The following FTO variants were observed in gnomAD, a reference collection of about 807,000 sequenced individuals.
The protein encoded by FTO is alpha-ketoglutarate-dependent dioxygenase FTO.
In FTO, 47 loss-of-function variants were observed where a neutral mutation model predicts 63.9. The ratio of observed to expected loss-of-function variants is 0.74; its 90% CI spans 0.58 to 0.94. The LOEUF (loss-of-function observed/expected upper bound fraction) is 0.94, where lower values mean the gene tolerates loss of function less well. FTO is among the 40% of genes least tolerant of loss of function. The pLI, the probability that FTO is intolerant of heterozygous loss-of-function variation, is 0.00. For synonymous variants in FTO, 207 were observed against 224.4 expected (o/e 0.92, Z 0.69); for missense variants, 562 against 618.1 (o/e 0.91, Z 0.96).
chr16:53,761,372 G>A (rs2077065620), intron 1 of FTO, among the ~76,000 whole-genome samples: 3 of 152,062 alleles, frequency 2.0e-5, no homozygotes, highest in Non-Finnish European at 4.4e-5. Flanking sequence ...AAAGTGCTGG[G>A]ATTGCAGGTG....
chr16:54,089,962 AAC>A (rs1305406725), intron 8 of FTO, among the ~76,000 whole-genome samples: 25 of 152,290 alleles, frequency 1.6e-4, no homozygotes, highest in African/African-American at 6.0e-4. Flanking sequence ...ACCTTTCAAA[AAC>A]AGTTTGATGG....
chr16:53,999,702 T>G (rs1298061312), intron 8 of FTO: 1 of 152,252 alleles, frequency 6.6e-6, no homozygotes, highest in Non-Finnish European at 1.5e-5. Flanking sequence ...ATTTTACCTC[T>G]AATAGAGATT....
At chr16:53,899,445 A>G (rs1206672261) in intron 7 of FTO, among the ~76,000 whole-genome samples, 1 of 152,226 alleles carries the variant, frequency 6.6e-6, no homozygotes, top group Non-Finnish European at 1.5e-5. Flanking sequence ...AAAATTATAT[A>G]GAGAAAGCAG....
At chr16:53,802,475 T>G (rs1319974979) in intron 1 of FTO, among the ~76,000 whole-genome samples, 1 of 152,236 alleles carries the variant, frequency 6.6e-6, no homozygotes, top group African/African-American at 2.4e-5. Flanking sequence ...CTGACTGCTT[T>G]TAAGACTTTA....
chr16:53,890,471 T>C (rs925559974), intron 7 of FTO, among the ~76,000 whole-genome samples: 1 of 152,300 alleles, frequency 6.6e-6, no homozygotes, highest in East Asian at 1.9e-4. Context: ...ATTCCTACTT[T>C]ATAATAATGA....
Position 53,826,358 on chromosome 16 carries a change from C to A in FTO, c.618C>A (p.Phe206Leu), listed in dbSNP as rs753902912. Residue 206 changes from phenylalanine (F) to leucine (L), a missense_variant, in exon 3 of 9, where the codon TTC (phenylalanine) becomes TTA (leucine). Phe to Leu is a conservative substitution (Grantham distance 22). Coordinates refer to ENST00000471389, the MANE Select transcript of FTO (RefSeq NM_001080432.3). ...CATACAACGTAACTTTGCTGAATTT[C>A]ATGGATCCTCAGAAAATGCCATACC... ...RAAYNVTLLNFMDPQKMPYLK... is the reference protein window; with the variant it reads ...RAAYNVTLLNLMDPQKMPYLK... 6.2e-7 allele frequency: 1 copy of A among 1,614,178 alleles called. No homozygotes were observed. Among genetic ancestry groups the A allele is most frequent in the Non-Finnish European group, 8.5e-7 (1 of 1,180,028 alleles).
At chr16:54,006,186 A>G (rs1201525237) in intron 8 of FTO, among the ~76,000 whole-genome samples, 2 of 152,208 alleles carry the variant, frequency 1.3e-5, no homozygotes, top group African/African-American at 4.8e-5. Flanking sequence ...TAGCTTACTA[A>G]GCCCTATTTC....
chr16:53,953,662 A>G (rs2082852781), intron 8 of FTO, among the ~76,000 whole-genome samples: 1 of 152,206 alleles, frequency 6.6e-6, no homozygotes, highest in South Asian at 2.1e-4. Flanking sequence ...ATGTTAGAAA[A>G]GCAATAATAT....
chr16:53,926,473 T>C (rs2082139964), intron 7 of FTO, among the ~76,000 whole-genome samples: 1 of 152,196 alleles, frequency 6.6e-6, no homozygotes, highest in African/African-American at 2.4e-5. Context: ...TGGAGATTAT[T>C]AAGAAATGGT....
intron 1 of FTO, among the ~76,000 whole-genome samples, chr16:53,797,160 C>T (rs2078098219): frequency 6.6e-6 from 1 of 152,220 alleles, no homozygotes; most frequent in Admixed American, 6.5e-5. Context: ...TTCCCATATA[C>T]TCCCTACCTC....
chr16:53,941,319 A>G (rs532332916), intron 8 of FTO, among the ~76,000 whole-genome samples: 81 of 152,372 alleles, frequency 5.3e-4, no homozygotes, highest in African/African-American at 1.8e-3. Flanking sequence ...TAATAAGAAT[A>G]CAATGGCTAG....
At chr16:54,094,004 C>T (rs2086455549) in intron 8 of FTO, among the ~76,000 whole-genome samples, 1 of 152,118 alleles carries the variant, frequency 6.6e-6, no homozygotes, top group African/African-American at 2.4e-5. Context: ...AAGGGCCCTT[C>T]CCAAGGTCAC....
chr16:53,950,305 A>T (rs1431242261), intron 8 of FTO, among the ~76,000 whole-genome samples: 1 of 152,112 alleles, frequency 6.6e-6, no homozygotes, highest in African/African-American at 2.4e-5. Context: ...AGCGTCAAAA[A>T]GCCTCGTTAC....
chr16:54,063,283 G>C (rs2144400437), intron 8 of FTO, among the ~76,000 whole-genome samples: 1 of 152,306 alleles, frequency 6.6e-6, no homozygotes, highest in South Asian at 2.1e-4. Context: ...CCAGGCAAGG[G>C]ACAAGCGGAA....
At chr16:53,757,004 G>A (rs1277160145) in intron 1 of FTO, among the ~76,000 whole-genome samples, 1 of 152,142 alleles carries the variant, frequency 6.6e-6, no homozygotes, top group Non-Finnish European at 1.5e-5. Flanking sequence ...GTATAGCCAG[G>A]AGTCACGGTG....
At chr16:53,976,154 C>A (rs1331307087) in intron 8 of FTO, among the ~76,000 whole-genome samples, 1 of 152,100 alleles carries the variant, frequency 6.6e-6, no homozygotes, top group South Asian at 2.1e-4. Flanking sequence ...ATTCTTTTCT[C>A]TTACAGTTTT....
Position 54,048,310 on chromosome 16 carries a change from C to G in FTO, c.1365-63452C>G, listed in dbSNP as rs2085233279. Among the ~76,000 whole-genome samples the G allele has an allele frequency of 2.1e-5, 3 of 145,862 alleles. No homozygotes were observed. The Admixed American group carries it at 2.1e-4, about 10-fold the overall frequency. On this transcript the variant is annotated intron_variant, in intron 8 of 8. Coordinates refer to ENST00000471389, the MANE Select transcript of FTO (RefSeq NM_001080432.3). ...TTGAGTTGCTTGGGTGGAGTAGGTA[C>G]AAGTTGGTGATTACCATTCAGGTTG... is the stretch of plus-strand genomic sequence containing the variant.
intron 8 of FTO, among the ~76,000 whole-genome samples, chr16:54,081,918 T>C (rs1030358094): frequency 2.6e-5 from 4 of 152,216 alleles, no homozygotes; most frequent in Admixed American, 6.5e-5. Flanking sequence ...GCCAAGGACG[T>C]AAGTGAGTTC....
intron 8 of FTO, among the ~76,000 whole-genome samples, chr16:54,084,694 G>A (rs2086221989): frequency 6.6e-6 from 1 of 152,150 alleles, no homozygotes; most frequent in South Asian, 2.1e-4. Context: ...TCAAGTCTCA[G>A]GAGCAATCTA....
Sources: gnomAD v4.1 joint callset for allele counts (sites outside exome capture counted in the v4.1 genomes callset) on GRCh38, gnomAD v4.1.1 for gene constraint, MANE v1.5 for transcripts, NCBI Gene and HGNC (gene_info 2026-07-23, HGNC 2026-07-21) for gene names.